C6orf118: variants seen among roughly 807,000 people sequenced by gnomAD.
C6orf118 encodes chromosome 6 open reading frame 118.
C6orf118 carries 50 observed loss-of-function variants against 50.2 expected under a neutral mutation model. The observed-to-expected ratio is 1.00, with a 90% CI of 0.79 to 1.26. The LOEUF (loss-of-function observed/expected upper bound fraction) is 1.26, where lower values mean the gene tolerates loss of function less well. Ranked by LOEUF, C6orf118 falls within the 50% of genes most tolerant of loss-of-function variation. The pLI, the probability that C6orf118 is intolerant of heterozygous loss-of-function variation, is 0.00. For missense variants in C6orf118, 641 were observed against 578.7 expected, an observed-to-expected ratio of 1.11 and a Z score of -1.10; for synonymous variants, 239 against 230.9, an observed-to-expected ratio of 1.03 and a Z score of -0.32.
At chr6:165,290,849 T>C (rs1049381559) in intron 6 of C6orf118, among the ~76,000 whole-genome samples, 1 of 152,184 alleles carries the variant, frequency 6.6e-6, no homozygotes, top group African/African-American at 2.4e-5. Context: ...TACCTGAGAC[T>C]GGGCAATTTA....
chr6:165,299,469 C>T lies in C6orf118; in HGVS notation c.910G>A (p.Glu304Lys), dbSNP rs1425166250. ...EYELYMATLLESQPAAQYEAL... is the reference protein window; with the variant it reads ...EYELYMATLLKSQPAAQYEAL... ...TCGTACTGTGCTGCAGGCTGGGACT[C>T]CAGGAGCGTTGCCATGTAGAGTTCA... is the stretch of plus-strand genomic sequence containing the variant. Residue 304 changes from glutamate to lysine, a missense_variant, in exon 4 of 9, where the codon GAG (glutamate) becomes AAG (lysine). Glu to Lys is a moderately conservative substitution (Grantham distance 56). Transcript: ENST00000230301. 1.9e-6 allele frequency: 3 copies of T among 1,614,060 alleles called. No individual in the cohort carries two copies. Among genetic ancestry groups the T allele is most frequent in the Non-Finnish European group, 2.5e-6 (3 of 1,180,004 alleles).
intron 6 of C6orf118, among the ~76,000 whole-genome samples, chr6:165,290,793 C>A (rs563527332): frequency 1.3e-5 from 2 of 152,094 alleles, no homozygotes; most frequent in Non-Finnish European, 2.9e-5. Flanking sequence ...ACAGGTTGAT[C>A]GGGTCAGGGT....
chr6:165,280,202 A>G, intron 8 of C6orf118, 92 bp from the exon 9 acceptor site: 2 of 850,314 alleles, frequency 2.4e-6, no homozygotes, highest in Non-Finnish European at 3.7e-6. Flanking sequence ...TTTTAGACAC[A>G]TTTACCCAAA....
chr6:165,281,806 T>A, intron 7 of C6orf118, 113 bp from the exon 8 acceptor site: 1 of 552,876 alleles, frequency 1.8e-6, no homozygotes, highest in East Asian at 3.7e-5. Context: ...GAGTACTCAA[T>A]AGCACATTAC....
chr6:165,294,400 G>C (rs1562328813), intron 5 of C6orf118, among the ~76,000 whole-genome samples: 1 of 152,010 alleles, frequency 6.6e-6, no homozygotes, highest in Non-Finnish European at 1.5e-5. Flanking sequence ...GATTTAAAGA[G>C]AAAACAAAAA....
At position 165,301,771 on chromosome 6, in the gene C6orf118, A is replaced by G; in HGVS notation, c.551T>C (p.Val184Ala). 6.2e-7 allele frequency: 1 copy of G among 1,613,950 alleles called. No individual in the cohort carries two copies. The highest frequency in any genetic ancestry group is 8.5e-7 in the Non-Finnish European group (1 of 1,179,968). Residue 184 changes from valine (V) to alanine (A), a missense_variant, in exon 2 of 9, where the codon GTG becomes GCG. Coordinates refer to ENST00000230301, the MANE Select transcript of C6orf118 (RefSeq NM_144980.4). ...GGACCCGGCCTCCTGGTAGCACAGCACCTTCAAGTCGGGCAGCCGGAGTTC... is the reference window on the plus strand; with the variant it reads ...GGACCCGGCCTCCTGGTAGCACAGCGCCTTCAAGTCGGGCAGCCGGAGTTC... ...REELRLPDLK[V>A]LCYQEAGSRG... is the part of the protein sequence containing the mutation.
Position 165,294,170 on chromosome 6 carries a change from C to T in C6orf118, c.1062-699G>A, listed in dbSNP as rs140504818. 4.5e-3 allele frequency among the ~76,000 whole-genome samples: 671 copies of T among 148,642 alleles called. 33 individuals are homozygous for T. In the East Asian group the frequency reaches 0.11, roughly 24 times the overall value. ...CTGAGGCAGGAGAATGGCATGAACC[C>T]GGGAGGCAGAGGTTGCAGTGAGCCG... On this transcript the variant is annotated intron_variant, in intron 5 of 8. Coordinates refer to ENST00000230301, the MANE Select transcript of C6orf118 (RefSeq NM_144980.4).
At chr6:165,308,614 G>T (rs1780830324) in intron 1 of C6orf118, among the ~76,000 whole-genome samples, 2 of 152,136 alleles carry the variant, frequency 1.3e-5, no homozygotes, top group Non-Finnish European at 1.5e-5. Context: ...ACAAAGAAGA[G>T]AAAAGACAAC....
chr6:165,290,793 C>T (rs563527332), intron 6 of C6orf118, among the ~76,000 whole-genome samples: 24 of 152,094 alleles, frequency 1.6e-4, no homozygotes, highest in Non-Finnish European at 7.4e-5. Flanking sequence ...ACAGGTTGAT[C>T]GGGTCAGGGT....
intron 7 of C6orf118, among the ~76,000 whole-genome samples, chr6:165,288,089 A>G (rs190435369): frequency 6.6e-6 from 1 of 152,200 alleles, no homozygotes; most frequent in Non-Finnish European, 1.5e-5. Flanking sequence ...TTACAAGAAA[A>G]AACAAACAAC....
rs1780543591 is a variant in C6orf118, at chr6:165,301,647, C to T, written c.675G>A (p.Val225=). The T allele has an allele frequency of 6.2e-7, 1 of 1,614,200 alleles. No individual in the cohort carries two copies. Among genetic ancestry groups the T allele is most frequent in the Non-Finnish European group, 8.5e-7 (1 of 1,180,034 alleles). ...TCTTCAGGAGATCTTGCTTGGCGAGCACTTCCTTCTGGAAACGCAGGAACA... is the reference window on the plus strand; with the variant it reads ...TCTTCAGGAGATCTTGCTTGGCGAGTACTTCCTTCTGGAAACGCAGGAACA... ...YRMFLRFQKE[V]LAKQDLLKND... is the part of the protein sequence containing the mutation. Residue 225 remains valine (V), a synonymous_variant, in exon 2 of 9, where the codon GTG becomes GTA. Coordinates refer to ENST00000230301, the MANE Select transcript of C6orf118 (RefSeq NM_144980.4).
Position 165,301,576 on chromosome 6 carries a change from A to G in C6orf118, c.746T>C (p.Leu249Pro), listed in dbSNP as rs1188463385. 1 of 1,610,452 alleles carries G rather than the reference A, an allele frequency of 6.2e-7. No homozygotes were observed. Among genetic ancestry groups the G allele is most frequent in the South Asian group, 1.1e-5 (1 of 90,806 alleles). Reference protein sequence around the residue: ...SKAAAGHERKLQQELQKICTC... With the variant: ...SKAAAGHERKPQQELQKICTC... The stretch of plus-strand genomic sequence containing the variant: ...CAGGGCTGCCCTCCTCACCTGCTGC[A>G]GCTTTCTCTCGTGGCCCGCGGCCGC... The change falls in exon 2 of 9, where the codon CTG (leucine) becomes CCG (proline). Residue 249 changes from leucine to proline, a missense_variant. Transcript: ENST00000230301.
chr6:165,299,630 T>C (rs1780442048), intron 3 of C6orf118, 128 bp from the exon 4 acceptor site: 1 of 668,712 alleles, frequency 1.5e-6, no homozygotes, highest in South Asian at 2.0e-5. Flanking sequence ...TATAAAATGT[T>C]CCCACAATGC....
At chr6:165,305,008 T>A (rs928329338) in intron 1 of C6orf118, among the ~76,000 whole-genome samples, 2 of 77,416 alleles carry the variant, frequency 2.6e-5, no homozygotes, top group Non-Finnish European at 4.7e-5. Context: ...AGAGCCCGCA[T>A]CACCAAGTCA....
chr6:165,290,094 T>C, intron 6 of C6orf118, 27 bp from the exon 7 acceptor site: 1 of 1,401,750 alleles, frequency 7.1e-7, no homozygotes, highest in South Asian at 1.3e-5. Context: ...AAACAAAGTA[T>C]TACCATGTTT....
At chr6:165,296,250 G>GTTTTTGTTTTTTTTT (rs1780296870) in intron 5 of C6orf118, among the ~76,000 whole-genome samples, 1 of 103,364 alleles carries the variant, frequency 9.7e-6, no homozygotes, top group African/African-American at 3.2e-5. Context: ...TTCGTTTTTT[G>GTTTTTGTTTTTTTTT]TTTTTTTTTT....
chr6:165,293,661 CTG>C (rs1368919477), intron 5 of C6orf118, among the ~76,000 whole-genome samples, 190 bp from the exon 6 acceptor site: 1 of 152,156 alleles, frequency 6.6e-6, no homozygotes, highest in Non-Finnish European at 1.5e-5. Flanking sequence ...CAAAATAATA[CTG>C]TCTTACCAAG....
At chr6:165,287,367 T>A (rs1294200369) in intron 7 of C6orf118, among the ~76,000 whole-genome samples, 2 of 152,146 alleles carry the variant, frequency 1.3e-5, no homozygotes, top group African/African-American at 4.8e-5. Flanking sequence ...AAGTAGCTTA[T>A]ACATTCAATG....
At chr6:165,289,814 A>T in intron 7 of C6orf118, 72 bp downstream of exon 7, 1 of 1,062,344 alleles carries the variant, frequency 9.4e-7, no homozygotes. Flanking sequence ...ACCAAATCAC[A>T]TTACTTCATG....
Sources: allele counts gnomAD v4.1 joint callset (sites outside exome capture counted in the v4.1 genomes callset), GRCh38; gene constraint gnomAD v4.1.1; transcripts MANE v1.5; gene names NCBI Gene and HGNC (gene_info 2026-07-23, HGNC 2026-07-21).